PLXNA2: variants seen among roughly 807,000 people sequenced by gnomAD.
PLXNA2 encodes plexin-A2.
Under a neutral mutation model 193.5 loss-of-function variants are expected in PLXNA2, and 91 were observed. The observed-to-expected ratio is 0.47, with a 90% CI of 0.40 to 0.56. PLXNA2 has a LOEUF of 0.56. Among genes scored for constraint, PLXNA2 ranks in the 20% least tolerant of loss-of-function variants. PLXNA2 has a pLI of 0.00. For synonymous variants in PLXNA2, 997 were observed against 1,027.3 expected, an observed-to-expected ratio of 0.97 and a Z score of 0.56; for missense variants, 1,995 against 2,503.2, an observed-to-expected ratio of 0.80 and a Z score of 4.33.
chr1:208,241,699 G>C (rs1230702644), intron 1 of PLXNA2, among the ~76,000 whole-genome samples: 2 of 152,236 alleles, frequency 1.3e-5, no homozygotes, highest in Non-Finnish European at 2.9e-5. Context: ...GCAATTTGCT[G>C]AGGACAGTGA....
chr1:208,092,731 A>G, intron 9 of PLXNA2, 55 bp downstream of exon 9: 1 of 1,237,596 alleles, frequency 8.1e-7, no homozygotes, highest in Non-Finnish European at 1.2e-6. Context: ...CTAAAGAGGG[A>G]GGGGCCACTC....
At chr1:208,178,905 C>T (rs953740556) in intron 3 of PLXNA2, among the ~76,000 whole-genome samples, 1 of 152,184 alleles carries the variant, frequency 6.6e-6, no homozygotes, top group Non-Finnish European at 1.5e-5. Flanking sequence ...GCAGGTGATT[C>T]GGATGCAAGC....
At chr1:208,215,507 AG>A (rs1361962698) in intron 2 of PLXNA2, among the ~76,000 whole-genome samples, 1 of 152,144 alleles carries the variant, frequency 6.6e-6, no homozygotes, top group African/African-American at 2.4e-5. Flanking sequence ...GGGAGAAAAA[AG>A]AGGGATGAGT....
chr1:208,101,881 C>A (rs1185503274), intron 5 of PLXNA2, among the ~76,000 whole-genome samples: 1 of 152,158 alleles, frequency 6.6e-6, no homozygotes, highest in Non-Finnish European at 1.5e-5. Context: ...ACAGAGCTGG[C>A]AGCAGGCTGT....
intron 13 of PLXNA2, among the ~76,000 whole-genome samples, chr1:208,055,883 T>G (rs11118979): frequency 0.24 from 35,991 of 152,162 alleles, 4,449 homozygotes; most frequent in East Asian, 0.39. Flanking sequence ...ATGCAATAAC[T>G]GTCTTATTAC....
At chr1:208,144,622 G>A (rs373823179) in intron 3 of PLXNA2, among the ~76,000 whole-genome samples, 3 of 152,142 alleles carry the variant, frequency 2.0e-5, no homozygotes, top group Admixed American at 6.5e-5. Flanking sequence ...TTTGCTGGGC[G>A]ACTTGGGGGC....
In PLXNA2 at chr1:208,179,816, C is replaced by A. The variant is rs370414833; in HGVS notation, c.1371+30464G>T. ...GGAAGCCAGAGCAGGGATTCAGAAT[C>A]TCAAGGAGAGAAAAGGTCATCTGGT... On this transcript the variant is annotated intron_variant, in intron 3 of 31. Coordinates refer to ENST00000367033, the MANE Select transcript of PLXNA2 (RefSeq NM_025179.4). 4.6e-5 allele frequency among the ~76,000 whole-genome samples: 7 copies of A among 152,206 alleles called. No individual in the cohort carries two copies. In the East Asian group the frequency reaches 1.3e-3, roughly 29 times the overall value.
At chr1:208,105,094 C>G (rs1364360471) in intron 4 of PLXNA2, among the ~76,000 whole-genome samples, 1 of 152,224 alleles carries the variant, frequency 6.6e-6, no homozygotes, top group African/African-American at 2.4e-5. Flanking sequence ...ACTGTGGAGT[C>G]CGGAGTTCAG....
intron 3 of PLXNA2, among the ~76,000 whole-genome samples, chr1:208,204,616 C>G (rs532763616): frequency 6.6e-6 from 1 of 152,306 alleles, no homozygotes; most frequent in Admixed American, 6.5e-5. Context: ...GTGTCTGATT[C>G]TATTTCAATT....
intron 1 of PLXNA2, among the ~76,000 whole-genome samples, chr1:208,229,788 C>T (rs1017955146): frequency 6.6e-6 from 1 of 152,148 alleles, no homozygotes; most frequent in Non-Finnish European, 1.5e-5. Flanking sequence ...ATAAAAAGCA[C>T]ATAATAATAA....
chr1:208,167,209 T>C (rs1226129027), intron 3 of PLXNA2, among the ~76,000 whole-genome samples: 4 of 152,190 alleles, frequency 2.6e-5, no homozygotes, highest in African/African-American at 9.7e-5. Context: ...ATGGCGATTT[T>C]ATATTTTCTG....
At chr1:208,234,822 C>T (rs1469794672) in intron 1 of PLXNA2, among the ~76,000 whole-genome samples, 5 of 151,802 alleles carry the variant, frequency 3.3e-5, no homozygotes, top group African/African-American at 1.2e-4. Context: ...GAGAGTGTGG[C>T]GGGTGACGCT....
intron 1 of PLXNA2, among the ~76,000 whole-genome samples, chr1:208,219,217 G>A (rs2102616760): frequency 6.6e-6 from 1 of 152,324 alleles, no homozygotes; most frequent in South Asian, 2.1e-4. Flanking sequence ...CTGCCCAGAG[G>A]GGCAAGGTGG....
chr1:208,026,950 G>A lies in PLXNA2; in HGVS notation c.*293C>T, dbSNP rs1049450165. 52 of 303,882 alleles carry A rather than the reference G, an allele frequency of 1.7e-4. 1 individual carries two copies. In the Admixed American group the frequency reaches 2.3e-3, roughly 14 times the overall value. The allele number at this position is 303,882 out of a possible 1,614,324, so 18.8% of individuals were successfully genotyped here. On this transcript the variant is annotated 3_prime_UTR_variant, in exon 32 of 32. Coordinates refer to ENST00000367033, the MANE Select transcript of PLXNA2 (RefSeq NM_025179.4). ...TTTCATGCAAAGCAGCAGTCACAGA[G>A]GCAGAACTGTCCCCAGCTCGTGCCT...
chr1:208,045,115 G>T lies in PLXNA2; in HGVS notation c.3591C>A (p.Thr1197=), dbSNP rs1468885583. Residue 1197 remains threonine, a synonymous_variant, in exon 19 of 32, where the codon ACC becomes ACA. Coordinates refer to ENST00000367033, the MANE Select transcript of PLXNA2 (RefSeq NM_025179.4). ...ETPCAVTVSE[T]QLLCEPPNLT... is the part of the protein sequence containing the mutation. ...GGTTGGGAGGCTCGCAGAGAAGCTG[G>T]GTCTCAGATACGGTGACAGCACAAG... is the stretch of plus-strand genomic sequence containing the variant. The T allele has an allele frequency of 7.4e-6, 12 of 1,614,010 alleles. No individual in the cohort carries two copies. Among genetic ancestry groups the T allele is most frequent in the Non-Finnish European group, 9.3e-6 (11 of 1,180,022 alleles).
In PLXNA2 at chr1:208,045,885, A is replaced by T. The variant is rs780050441; in HGVS notation, c.3488T>A (p.Ile1163Asn). The T allele has an allele frequency of 6.2e-7, 1 of 1,614,260 alleles. No homozygotes were observed. The highest frequency in any genetic ancestry group is 2.2e-5 in the East Asian group (1 of 44,890). The change falls in exon 18 of 32, where the codon ATT becomes AAT. Residue 1163 changes from isoleucine to asparagine, a missense_variant. This residue lies in a region of PLXNA2 where 1,291 missense variants were observed against 1,673.6 expected (regional missense o/e 0.77). Coordinates refer to ENST00000367033, the MANE Select transcript of PLXNA2 (RefSeq NM_025179.4). Reference sequence around the variant, plus strand: ...TCTGGCGGGCACTCCTACCTTCAGAATGATGGGCGATCCTGGCTTTTGATC... The same window carrying T: ...TCTGGCGGGCACTCCTACCTTCAGATTGATGGGCGATCCTGGCTTTTGATC... Reference protein sequence around the residue: ...VLDQKPGSPIILKGKNLCPPA... With the variant: ...VLDQKPGSPINLKGKNLCPPA...
At chr1:208,121,527 G>A (rs1298365904) in intron 4 of PLXNA2, among the ~76,000 whole-genome samples, 2 of 152,092 alleles carry the variant, frequency 1.3e-5, no homozygotes, top group Admixed American at 6.5e-5. Flanking sequence ...GAGTTCTCAT[G>A]AGAACTGATG....
At chr1:208,124,406 C>T (rs560637988) in intron 4 of PLXNA2, among the ~76,000 whole-genome samples, 4 of 152,250 alleles carry the variant, frequency 2.6e-5, no homozygotes, top group South Asian at 2.1e-4. Flanking sequence ...AGGCCAGGCA[C>T]GGTGGCTCAC....
intron 3 of PLXNA2, among the ~76,000 whole-genome samples, chr1:208,195,439 A>C (rs1404207237): frequency 6.6e-6 from 1 of 152,092 alleles, no homozygotes; most frequent in Non-Finnish European, 1.5e-5. Context: ...CTGTGCTTGT[A>C]CAAGACTCCA....
Sources: allele counts gnomAD v4.1 joint callset (sites outside exome capture counted in the v4.1 genomes callset), GRCh38; gene constraint gnomAD v4.1.1; regional missense constraint gnomAD v4.1.1; transcripts MANE v1.5; gene names NCBI Gene and HGNC (gene_info 2026-07-23, HGNC 2026-07-21).